Variants in LRRN2 observed in about 807,000 individuals in gnomAD.
LRRN2 encodes the protein leucine rich repeat neuronal 2.
LRRN2 carries 10 observed loss-of-function variants against 35.7 expected under a neutral mutation model. The ratio of observed to expected loss-of-function variants is 0.28; its 90% CI spans 0.17 to 0.47. The LOEUF (loss-of-function observed/expected upper bound fraction) is 0.47, where lower values mean the gene tolerates loss of function less well. Ranked by LOEUF, LRRN2 falls within the 20% of genes least tolerant of loss-of-function variation. The pLI is 0.99. For missense variants in LRRN2, 731 were observed against 940.3 expected, an observed-to-expected ratio of 0.78 and a Z score of 2.91; for synonymous variants, 391 against 409.6, an observed-to-expected ratio of 0.95 and a Z score of 0.55.
Position 204,619,364 on chromosome 1 carries a change from C to T in LRRN2, c.629G>A (p.Arg210Gln), listed in dbSNP as rs373448502. Reference protein sequence around the residue: ...KVDAILDMNFRPLANLRSLVL... With the variant: ...KVDAILDMNFQPLANLRSLVL... ...CAGGCTACGCAGGTTGGCCAGGGGC[C>T]GGAAGTTCATGTCCAGGATGGCATC... is the stretch of plus-strand genomic sequence containing the variant. Residue 210 changes from arginine (R) to glutamine (Q), a missense_variant, in exon 2 of 2, where the codon CGG becomes CAG. Physicochemically the swap from Arg to Gln is conservative, Grantham distance 43. Transcript: ENST00000367177. 3.5e-5 allele frequency: 56 copies of T among 1,614,094 alleles called. No individual in the cohort carries two copies. Among genetic ancestry groups the T allele is most frequent in the African/African-American group, 6.7e-5 (5 of 74,926 alleles).
chr1:204,624,890 G>A (rs1041431951), intron 1 of LRRN2, among the ~76,000 whole-genome samples: 1 of 152,198 alleles, frequency 6.6e-6, no homozygotes, highest in Non-Finnish European at 1.5e-5. Flanking sequence ...ATAATTGAGT[G>A]TAGCGTTGAT....
chr1:204,621,438 GCTGA>G (rs1666888317), intron 1 of LRRN2: 1 of 167,214 alleles, frequency 6.0e-6, no homozygotes, highest in South Asian at 2.1e-4. Flanking sequence ...TCCCCACCTG[GCTGA>G]CTAAGGGGCT....
chr1:204,635,846 C>A (rs1370088094), intron 1 of LRRN2, among the ~76,000 whole-genome samples: 2 of 152,224 alleles, frequency 1.3e-5, no homozygotes, highest in East Asian at 1.9e-4. Context: ...GAAGGACCAA[C>A]CTTCCTGCCG....
At chr1:204,643,450 G>C (rs1242229699) in intron 1 of LRRN2, among the ~76,000 whole-genome samples, 1 of 152,182 alleles carries the variant, frequency 6.6e-6, no homozygotes, top group South Asian at 2.1e-4. Context: ...TCCTTGCTTG[G>C]TTCTGAAGAT....
intron 1 of LRRN2, among the ~76,000 whole-genome samples, chr1:204,671,378 T>C (rs1395736550): frequency 1.4e-5 from 2 of 146,982 alleles, no homozygotes; most frequent in Non-Finnish European, 3.0e-5. Context: ...GGTGAGTTTG[T>C]AGAAGTAGCA....
chr1:204,618,061 A>G lies in LRRN2; in HGVS notation c.1932T>C (p.Ala644=), dbSNP rs1666495216. 1 of 1,613,748 alleles carries G rather than the reference A, an allele frequency of 6.2e-7. No homozygotes were observed. The highest frequency in any genetic ancestry group is 1.3e-5 in the African/African-American group (1 of 75,062). The part of the protein sequence containing the change: ...ILALAVLLLA[A]GLAAHLGTGQ... Reference sequence around the variant, plus strand: ...CTGTGCCAAGGTGGGCCGCTAGCCCAGCTGCCAGGAGAAGGACAGCGAGAG... The same window carrying G: ...CTGTGCCAAGGTGGGCCGCTAGCCCGGCTGCCAGGAGAAGGACAGCGAGAG... The change falls in exon 2 of 2, where the codon GCT becomes GCC. Residue 644 remains alanine, a synonymous_variant. Transcript: ENST00000367177.
intron 1 of LRRN2, among the ~76,000 whole-genome samples, chr1:204,639,502 T>G (rs925586919): frequency 6.6e-6 from 1 of 152,158 alleles, no homozygotes; most frequent in Non-Finnish European, 1.5e-5. Flanking sequence ...TAGCCTGTTG[T>G]GGTGGTGCAC....
chr1:204,635,813 T>C (rs1158195737), intron 1 of LRRN2, among the ~76,000 whole-genome samples: 1 of 152,204 alleles, frequency 6.6e-6, no homozygotes, highest in African/African-American at 2.4e-5. Flanking sequence ...AGCTGCACCT[T>C]GCAGCAGTGA....
chr1:204,652,689 C>T (rs1287305523), intron 1 of LRRN2, among the ~76,000 whole-genome samples: 1 of 152,192 alleles, frequency 6.6e-6, no homozygotes, highest in African/African-American at 2.4e-5. Flanking sequence ...ATTTCTCAAA[C>T]TAAGAGCGTG....
intron 1 of LRRN2, among the ~76,000 whole-genome samples, chr1:204,625,278 C>T (rs1017054638): frequency 2.6e-5 from 4 of 152,158 alleles, no homozygotes; most frequent in Non-Finnish European, 5.9e-5. Context: ...GGGAGGAGTA[C>T]GGGATGGAAG....
Position 204,618,396 on chromosome 1 carries a change from C to T in LRRN2, c.1597G>A (p.Val533Met), listed in dbSNP as rs1209191612. The change falls in exon 2 of 2, where the codon GTG (valine) becomes ATG (methionine). Residue 533 changes from valine to methionine, a missense_variant. By Grantham distance (21) the Val-to-Met change is conservative (BLOSUM62 1). Coordinates refer to ENST00000367177, the MANE Select transcript of LRRN2 (RefSeq NM_201630.2). ...ATGTGATAGGGGTGGGTCTCCTGCA[C>T]CCGGAGCTCCAGCCCCTGTCCTTCG... The part of the protein sequence containing the change: ...RDEGQGLELR[V>M]QETHPYHILL... 2 of 1,612,258 alleles carry T rather than the reference C, an allele frequency of 1.2e-6. No individual in the cohort carries two copies. Among genetic ancestry groups the T allele is most frequent in the African/African-American group, 1.3e-5 (1 of 74,906 alleles).
In LRRN2 at chr1:204,618,632, T is replaced by G; in HGVS notation, c.1361A>C (p.Glu454Ala). ...HCRALAEPEP[E>A]IYWVTPAGLR... is the part of the protein sequence containing the mutation. ...CCCAGCTGGAGTGACCCAGTAGATCTCGGGTTCGGGTTCGGCCAGTGCCCG... is the reference window on the plus strand; with the variant it reads ...CCCAGCTGGAGTGACCCAGTAGATCGCGGGTTCGGGTTCGGCCAGTGCCCG... Residue 454 changes from glutamate to alanine, a missense_variant, in exon 2 of 2, where the codon GAG becomes GCG. Glu to Ala is a moderately radical substitution (Grantham distance 107). Around this residue, in one of 3 missense-constraint regions of LRRN2, gnomAD observed 256 missense variants for 392.4 expected, o/e 0.65. Transcript: ENST00000367177. The G allele has an allele frequency of 6.2e-7, 1 of 1,611,208 alleles. No homozygotes were observed. Among genetic ancestry groups the G allele is most frequent in the Non-Finnish European group, 8.5e-7 (1 of 1,178,518 alleles).
intron 1 of LRRN2, among the ~76,000 whole-genome samples, chr1:204,652,267 CCCCG>C (rs770328836): frequency 4.7e-5 from 3 of 64,502 alleles, no homozygotes; most frequent in African/African-American, 1.5e-4. Flanking sequence ...ACCGCCCCCC[CCCCG>C]CCCCCCCGCC....
chr1:204,678,461 G>A (rs1453636024), intron 1 of LRRN2, among the ~76,000 whole-genome samples: 1 of 152,120 alleles, frequency 6.6e-6, no homozygotes, highest in Non-Finnish European at 1.5e-5. Flanking sequence ...GTGTTAAAAA[G>A]TCAAATCATG....
Position 204,617,695 on chromosome 1 carries a change from C to T in LRRN2, c.*156G>A, listed in dbSNP as rs116784730. The T allele has an allele frequency of 9.1e-4, 758 of 837,006 alleles. 2 individuals are homozygous for T. The African/African-American group carries it at 0.011, about 12-fold the overall frequency. The allele number at this position is 837,006 out of a possible 1,614,324, so 51.8% of individuals were successfully genotyped here. A position where few individuals can be genotyped will look rare whatever the true frequency, so the allele number is the denominator to read the frequency against. On this transcript the variant is annotated 3_prime_UTR_variant, in exon 2 of 2. Coordinates refer to ENST00000367177, the MANE Select transcript of LRRN2 (RefSeq NM_201630.2). The stretch of plus-strand genomic sequence containing the variant: ...CTTTTTCGAGGCTGCAGAAGCACCC[C>T]CAGGGCCACAAAGCCCCATCTGTCT...
rs141317759 is a variant in LRRN2, at chr1:204,623,262, A to G, written c.-226-3044T>C. On this transcript the variant is annotated intron_variant, in intron 1 of 1. Transcript: ENST00000367177. Reference sequence around the variant, plus strand: ...CCTTCTTCATCAACACTTGGTTCTAAGCGCTGAGTCCGTGCTCAACTGCAC... The same window carrying G: ...CCTTCTTCATCAACACTTGGTTCTAGGCGCTGAGTCCGTGCTCAACTGCAC... Among the ~76,000 whole-genome samples the G allele has an allele frequency of 4.7e-3, 716 of 152,278 alleles. 5 individuals are homozygous for G. The highest frequency in any genetic ancestry group is 0.016 in the African/African-American group (673 of 41,532).
In LRRN2 at chr1:204,619,476, T is replaced by C. The variant is rs766019992; in HGVS notation, c.517A>G (p.Asn173Asp). Residue 173 changes from asparagine to aspartate, a missense_variant, in exon 2 of 2, where the codon AAC becomes GAC. Physicochemically the swap from Asn to Asp is conservative, Grantham distance 23 (BLOSUM62 1). Around this residue, in one of 3 missense-constraint regions of LRRN2, gnomAD observed 246 missense variants for 289.5 expected, o/e 0.85. Coordinates refer to ENST00000367177, the MANE Select transcript of LRRN2 (RefSeq NM_201630.2). ...GLSNLLRLHLNSNLLRAIDSR... is the reference protein window; with the variant it reads ...GLSNLLRLHLDSNLLRAIDSR... ...TCAATGGCCCTCAGGAGGTTGGAGT[T>C]GAGGTGCAGCCGCAGCAAGTTGCTG... 6.2e-7 allele frequency: 1 copy of C among 1,614,160 alleles called. No homozygotes were observed. The highest frequency in any genetic ancestry group is 2.2e-5 in the East Asian group (1 of 44,880).
intron 1 of LRRN2, among the ~76,000 whole-genome samples, chr1:204,668,599 A>G (rs1005567964): frequency 6.6e-6 from 1 of 152,144 alleles, no homozygotes; most frequent in Admixed American, 6.5e-5. Flanking sequence ...TGTCTCAAAA[A>G]AGAGCATGGA....
chr1:204,636,785 T>C (rs1667845452), intron 1 of LRRN2, among the ~76,000 whole-genome samples: 1 of 152,060 alleles, frequency 6.6e-6, no homozygotes, highest in African/African-American at 2.4e-5. Flanking sequence ...TAAAATAAAA[T>C]ATATTGATGC....
Sources: gnomAD v4.1 joint callset for allele counts (sites outside exome capture counted in the v4.1 genomes callset) on GRCh38, gnomAD v4.1.1 for gene constraint, gnomAD v4.1.1 regional missense constraint, MANE v1.5 for transcripts, NCBI Gene and HGNC (gene_info 2026-07-23, HGNC 2026-07-21) for gene names.